The following EEIG1 variants were observed in gnomAD, a reference collection of about 807,000 sequenced individuals.
EEIG1 encodes estrogen-induced osteoclastogenesis regulator 1, also known as early estrogen-induced gene 1 protein.
chr9:127,944,106 T>C, the EEIG1 span: 1 of 171,482 alleles, frequency 5.8e-6, no homozygotes, highest in African/African-American at 2.4e-5. Flanking sequence ...CTATAAACTG[T>C]CGTTCCCGCA....
chr9:127,947,661 G>A, the EEIG1 span, among the ~76,000 whole-genome samples: 1 of 152,156 alleles, frequency 6.6e-6, no homozygotes, highest in Non-Finnish European at 1.5e-5. Context: ...GGTATACTGT[G>A]CCTCACCCCC....
the EEIG1 span, among the ~76,000 whole-genome samples, chr9:127,979,056 G>A: frequency 4.6e-5 from 7 of 152,112 alleles, no homozygotes; most frequent in South Asian, 1.0e-3. Context: ...AATCTAAGTC[G>A]TCCACGCTGG....
At chr9:127,958,623 C>T in the EEIG1 span, among the ~76,000 whole-genome samples, 3 of 151,816 alleles carry the variant, frequency 2.0e-5, no homozygotes, top group East Asian at 5.8e-4. Flanking sequence ...TGTGATTACA[C>T]CACTGCACCC....
chr9:127,947,924 G>A, the EEIG1 span: 5 of 898,538 alleles, frequency 5.6e-6, no homozygotes, highest in Non-Finnish European at 8.5e-6. Context: ...AAGGTGATCA[G>A]GTCTCATCAG....
chr9:127,953,271 G>C, the EEIG1 span: 4 of 419,652 alleles, frequency 9.5e-6, no homozygotes, highest in African/African-American at 8.1e-5. Context: ...CTTCTTACAA[G>C]GTCTGGAAAG....
chr9:127,949,862 T>C, the EEIG1 span, among the ~76,000 whole-genome samples: 1 of 151,946 alleles, frequency 6.6e-6, no homozygotes. Context: ...TGCCTGGGGG[T>C]GGGGCTGCCC....
chr9:127,953,329 G>A, the EEIG1 span: 1 of 559,622 alleles, frequency 1.8e-6, no homozygotes, highest in Non-Finnish European at 3.2e-6. Context: ...CCTGGAGAGA[G>A]GAAAGGGGAC....
chr9:127,941,714 CAGAG>C, the EEIG1 span: 1 of 152,274 alleles, frequency 6.6e-6, no homozygotes. Context: ...GCACCCCTCC[CAGAG>C]AGAGAAGCCC....
the EEIG1 span, among the ~76,000 whole-genome samples, chr9:127,975,615 T>C: frequency 6.6e-6 from 1 of 152,284 alleles, no homozygotes; most frequent in East Asian, 1.9e-4. Flanking sequence ...GTCACTTCTC[T>C]GCCGCAGGCC....
At chr9:127,973,717 G>A in the EEIG1 span, among the ~76,000 whole-genome samples, 3 of 152,188 alleles carry the variant, frequency 2.0e-5, no homozygotes, top group African/African-American at 4.8e-5. This position sits in a 1 kb window ranked among gnomAD's most constrained non-coding sequence, Gnocchi z 4.2. Flanking sequence ...GCCCGGGCTG[G>A]CCTCTGAGGC....
At chr9:127,944,284 G>A in the EEIG1 span, 1 of 426,052 alleles carries the variant, frequency 2.3e-6, no homozygotes, top group South Asian at 3.0e-5. Context: ...CCTGGAGCTG[G>A]GAGGAAGTAG....
chr9:127,948,307 T>C, the EEIG1 span: 186 of 1,612,298 alleles, frequency 1.2e-4, no homozygotes, highest in Non-Finnish European at 1.4e-4. Context: ...TCCCTGTTCC[T>C]CCACCCCTAG....
the EEIG1 span, among the ~76,000 whole-genome samples, chr9:127,959,494 T>C: frequency 0.87 from 132,198 of 152,136 alleles, 58,648 homozygotes; most frequent in Non-Finnish European, 0.97. Context: ...GAGGATGATA[T>C]GGTCTGGCTC....
chr9:127,947,844 G>A, the EEIG1 span, among the ~76,000 whole-genome samples: 1 of 152,122 alleles, frequency 6.6e-6, no homozygotes, highest in African/African-American at 2.4e-5. Flanking sequence ...TTGAGGATGG[G>A]GAGGCCACAT....
chr9:127,967,767 A>C, the EEIG1 span, among the ~76,000 whole-genome samples: 3 of 152,158 alleles, frequency 2.0e-5, no homozygotes, highest in African/African-American at 7.2e-5. Context: ...CCTCAGTCGC[A>C]GTTCTGTCCC....
chr9:127,962,780 G>A, the EEIG1 span, among the ~76,000 whole-genome samples: 2 of 152,192 alleles, frequency 1.3e-5, no homozygotes, highest in Non-Finnish European at 2.9e-5. Context: ...TGTAATCCCA[G>A]CACTCTGGGA....
the EEIG1 span, among the ~76,000 whole-genome samples, chr9:127,972,299 C>G: frequency 1.3e-5 from 2 of 152,162 alleles, no homozygotes; most frequent in Non-Finnish European, 2.9e-5. The surrounding 1 kb of genome is among the most constrained non-coding windows in gnomAD (Gnocchi z 4.3). Context: ...GTGCTCCTCA[C>G]TCACCCCCAC....
At chr9:127,955,733 C>T in the EEIG1 span, among the ~76,000 whole-genome samples, 13 of 152,240 alleles carry the variant, frequency 8.5e-5, no homozygotes, top group Admixed American at 7.8e-4. Flanking sequence ...AGTCCCGTTT[C>T]CTTAGCCAAT....
At chr9:127,947,752 C>G in the EEIG1 span, among the ~76,000 whole-genome samples, 3 of 152,136 alleles carry the variant, frequency 2.0e-5, no homozygotes, top group African/African-American at 7.2e-5. Flanking sequence ...CTGTCTTCCC[C>G]AGCTTTTATC....
Sources: allele counts gnomAD v4.1 joint callset (sites outside exome capture counted in the v4.1 genomes callset), GRCh38; gene constraint gnomAD v4.1.1; non-coding constraint Gnocchi (gnomAD v3.1); transcripts MANE v1.5; gene names NCBI Gene and HGNC (gene_info 2026-07-23, HGNC 2026-07-21).